The following ACER3 variants were observed in gnomAD, a reference collection of about 807,000 sequenced individuals.
ACER3 encodes alkaline ceramidase 3, also known as alkCDase 3.
Under a neutral mutation model 48.9 loss-of-function variants are expected in ACER3, and 16 were observed. That is an observed-to-expected ratio of 0.33 (90% CI 0.22 to 0.50). The LOEUF is 0.50. Among genes scored for constraint, ACER3 ranks in the 20% least tolerant of loss-of-function variants. ACER3 has a pLI of 0.98. For missense variants in ACER3, 227 were observed against 326.0 expected, an observed-to-expected ratio of 0.70 and a Z score of 2.34; for synonymous variants, 109 against 107.8, an observed-to-expected ratio of 1.01 and a Z score of -0.07.
rs1253380439 is a variant in ACER3 at position 76,918,545 on chromosome 11, G to GT, written c.104-8004dup. Among the ~76,000 whole-genome samples, 44 of 150,938 alleles carry GT rather than the reference G, an allele frequency of 2.9e-4. 1 individual carries two copies. The highest frequency in any genetic ancestry group is 9.7e-4 in the African/African-American group (40 of 41,044). On this transcript the variant is annotated intron_variant, in intron 1 of 10. Coordinates refer to ENST00000532485, the MANE Select transcript of ACER3 (RefSeq NM_018367.7). ...TTTATATCATAAGTAGTTATGTGGG[G>GT]TTTTTTTTCAACTTTTATTTTAAAT...
chr11:76,876,798 T>C (rs1296163841), intron 1 of ACER3, among the ~76,000 whole-genome samples: 1 of 152,226 alleles, frequency 6.6e-6, no homozygotes, highest in East Asian at 1.9e-4. Flanking sequence ...TTCGTTTCCT[T>C]GCCCTACTTA....
chr11:76,872,898 C>CTTTTTTT (rs1201710346), intron 1 of ACER3, among the ~76,000 whole-genome samples: 2 of 110,616 alleles, frequency 1.8e-5, no homozygotes, highest in Non-Finnish European at 3.6e-5. Context: ...TTCTTTCTTT[C>CTTTTTTT]TTTTTTCTTT....
chr11:76,904,877 G>A (rs1431195098), intron 1 of ACER3, among the ~76,000 whole-genome samples: 1 of 151,690 alleles, frequency 6.6e-6, no homozygotes, highest in East Asian at 1.9e-4. Context: ...GTTTGAGATG[G>A]AGTCTCCCTT....
chr11:76,929,475 C>T (rs1290530070), intron 2 of ACER3, among the ~76,000 whole-genome samples: 1 of 152,162 alleles, frequency 6.6e-6, no homozygotes, highest in Non-Finnish European at 1.5e-5. Context: ...CCTGATTGCC[C>T]TGGCCAGAAC....
rs528260935 is a variant in ACER3, at chr11:77,015,640, A to T, written c.599+523A>T. ...TGGCCCTCTTTTCCATGAAATGAGCATGCTGAACAGGTTAAACAGGTGGGT... is the reference window on the plus strand; with the variant it reads ...TGGCCCTCTTTTCCATGAAATGAGCTTGCTGAACAGGTTAAACAGGTGGGT... On this transcript the variant is annotated intron_variant, in intron 8 of 10. Transcript: ENST00000532485. Among the ~76,000 whole-genome samples the T allele has an allele frequency of 5.3e-5, 8 of 152,288 alleles. No homozygotes were observed. In the South Asian group the frequency reaches 1.7e-3, roughly 32 times the overall value.
At chr11:76,866,608 T>C (rs1945095756) in intron 1 of ACER3, among the ~76,000 whole-genome samples, 1 of 152,220 alleles carries the variant, frequency 6.6e-6, no homozygotes, top group African/African-American at 2.4e-5. Context: ...TTAACTAAAC[T>C]ATGATAACTG....
chr11:76,876,827 A>G (rs1368233800), intron 1 of ACER3, among the ~76,000 whole-genome samples: 1 of 152,194 alleles, frequency 6.6e-6, no homozygotes, highest in Non-Finnish European at 1.5e-5. Context: ...TCTTGCCAAA[A>G]CAAGCTATTT....
intron 3 of ACER3, among the ~76,000 whole-genome samples, chr11:76,968,724 T>A (rs1023045418): frequency 6.6e-6 from 1 of 152,120 alleles, no homozygotes; most frequent in Non-Finnish European, 1.5e-5. Context: ...TGGTGCTGGG[T>A]AAACTGGCTA....
rs955047082 is a variant in ACER3 at position 77,023,225 on chromosome 11, A to G, written c.*2898A>G. ...CCCAAATAGTAGTGTTTTGTTTGACAGAAGTAAATCAAATATTATGGTTTA... is the reference window on the plus strand; with the variant it reads ...CCCAAATAGTAGTGTTTTGTTTGACGGAAGTAAATCAAATATTATGGTTTA... On this transcript the variant is annotated 3_prime_UTR_variant, in exon 11 of 11. Coordinates refer to ENST00000532485, the MANE Select transcript of ACER3 (RefSeq NM_018367.7). 12 of 398,340 alleles carry G rather than the reference A, an allele frequency of 3.0e-5. No homozygotes were observed. Among genetic ancestry groups the G allele is most frequent in the Non-Finnish European group, 4.9e-5 (11 of 225,956 alleles). 24.7% of individuals were successfully genotyped at this position (398,340 alleles called of 1,614,324 possible).
chr11:76,922,694 A>C (rs1274862819), intron 1 of ACER3, among the ~76,000 whole-genome samples: 2 of 152,204 alleles, frequency 1.3e-5, no homozygotes, highest in Non-Finnish European at 1.5e-5. Context: ...ATAAGGACAG[A>C]TAGACCTGGA....
At chr11:77,016,401 A>G (rs1949370366) in intron 8 of ACER3, among the ~76,000 whole-genome samples, 1 of 152,208 alleles carries the variant, frequency 6.6e-6, no homozygotes, top group South Asian at 2.1e-4. Context: ...ATATTTATAA[A>G]TAAAATGACA....
At chr11:76,959,343 A>G in intron 3 of ACER3, 1 of 733,750 alleles carries the variant, frequency 1.4e-6, no homozygotes. Flanking sequence ...CCAGAACAAT[A>G]TATTCTTATT....
At chr11:76,876,040 C>T (rs1945372026) in intron 1 of ACER3, among the ~76,000 whole-genome samples, 1 of 152,084 alleles carries the variant, frequency 6.6e-6, no homozygotes, top group African/African-American at 2.4e-5. Flanking sequence ...GGTGATCCAC[C>T]CACCTCAGCC....
intron 1 of ACER3, among the ~76,000 whole-genome samples, chr11:76,909,365 T>A (rs1002256647): frequency 4.6e-5 from 7 of 152,076 alleles, no homozygotes; most frequent in African/African-American, 1.7e-4. Context: ...ATTTTTGCAA[T>A]CTATCCATCT....
chr11:76,895,776 G>A (rs1945914482), intron 1 of ACER3, among the ~76,000 whole-genome samples: 1 of 152,148 alleles, frequency 6.6e-6, no homozygotes, highest in Non-Finnish European at 1.5e-5. Context: ...ATTCACGAAA[G>A]ATTTTTTTGT....
intron 1 of ACER3, among the ~76,000 whole-genome samples, chr11:76,925,059 C>T (rs1044520823): frequency 6.6e-6 from 1 of 150,556 alleles, no homozygotes; most frequent in Non-Finnish European, 1.5e-5. Flanking sequence ...AAGAAGGGCT[C>T]CTTCTTATAG....
At chr11:76,982,218 C>CTTTT (rs142556459) in intron 4 of ACER3, among the ~76,000 whole-genome samples, 1 of 135,212 alleles carries the variant, frequency 7.4e-6, no homozygotes. Context: ...AACCTTTTTC[C>CTTTT]TTTTTTTTTT....
intron 1 of ACER3, among the ~76,000 whole-genome samples, chr11:76,922,958 A>T (rs1022008781): frequency 1.3e-5 from 2 of 152,096 alleles, no homozygotes; most frequent in Non-Finnish European, 2.9e-5. Flanking sequence ...ACATCTATGA[A>T]ACTATTCCCA....
chr11:76,928,301 TG>T (rs531934635), intron 2 of ACER3, among the ~76,000 whole-genome samples: 152 of 152,312 alleles, frequency 1.0e-3, no homozygotes, highest in African/African-American at 3.4e-3. Context: ...CACTTTTTGA[TG>T]GGGTTGTTTG....
Sources: gnomAD v4.1 joint callset for allele counts (sites outside exome capture counted in the v4.1 genomes callset) on GRCh38, gnomAD v4.1.1 for gene constraint, MANE v1.5 for transcripts, NCBI Gene and HGNC (gene_info 2026-07-23, HGNC 2026-07-21) for gene names.